Variants in RETREG3 observed in about 807,000 individuals in gnomAD.
The protein encoded by RETREG3 is reticulophagy regulator 3.
In RETREG3, 23 loss-of-function variants were observed where a neutral mutation model predicts 50.2. The observed-to-expected ratio is 0.46, with a 90% CI of 0.33 to 0.65. RETREG3 has a LOEUF of 0.65. Ranked by LOEUF, RETREG3 falls within the 30% of genes least tolerant of loss-of-function variation. The pLI is 0.02. For missense variants in RETREG3, 546 were observed against 598.0 expected (o/e 0.91, Z 0.91); for synonymous variants, 240 against 234.4 (o/e 1.02, Z -0.22).
At chr17:42,587,463 G>A (rs921851832) in intron 3 of RETREG3, among the ~76,000 whole-genome samples, 1 of 152,146 alleles carries the variant, frequency 6.6e-6, no homozygotes, top group Non-Finnish European at 1.5e-5. Flanking sequence ...TTTTCTGACC[G>A]GGAACTTTAA....
chr17:42,583,431 G>T, intron 7 of RETREG3, 67 bp downstream of exon 7: 1 of 1,486,842 alleles, frequency 6.7e-7, no homozygotes, highest in Non-Finnish European at 9.3e-7. Context: ...CTAAATGTGA[G>T]CTGTCGGATG....
At chr17:42,591,466 T>C (rs549290068) in intron 2 of RETREG3, among the ~76,000 whole-genome samples, 2 of 152,072 alleles carry the variant, frequency 1.3e-5, no homozygotes, top group South Asian at 2.1e-4. Flanking sequence ...TCAGCCTCCT[T>C]AGTGGCTGAG....
chr17:42,602,581 CA>C (rs751947374), intron 1 of RETREG3, among the ~76,000 whole-genome samples: 121 of 152,226 alleles, frequency 7.9e-4, no homozygotes, highest in South Asian at 2.3e-3. Flanking sequence ...AAAGGCTGTC[CA>C]ATTTATGTTC....
chr17:42,586,448 C>A, intron 4 of RETREG3: 1 of 414,114 alleles, frequency 2.4e-6, no homozygotes. Flanking sequence ...CAGAAACACA[C>A]ACAAAACCCA....
intron 2 of RETREG3, among the ~76,000 whole-genome samples, chr17:42,591,709 G>C (rs1371193155): frequency 1.3e-5 from 2 of 152,174 alleles, no homozygotes; most frequent in Admixed American, 6.5e-5. Context: ...AATGTAAAAG[G>C]AATTCCTGAG....
At position 42,609,122 on chromosome 17, in the gene RETREG3, C is replaced by A; in HGVS notation, c.203G>T (p.Ser68Ile). 6.2e-7 allele frequency: 1 copy of A among 1,608,812 alleles called. No homozygotes were observed. The highest frequency in any genetic ancestry group is 8.5e-7 in the Non-Finnish European group (1 of 1,179,894). ...GTTCAGCCCCAGGCACCACAGAGCG[C>A]TCCTAGCTGGCCGCTCCCACACCAG... ...AALVWERPARSALWCLGLNAA... is the reference protein window; with the variant it reads ...AALVWERPARIALWCLGLNAA... Residue 68 changes from serine (S) to isoleucine (I), a missense_variant, in exon 1 of 9, where the codon AGC becomes ATC. Transcript: ENST00000309428.
rs1182640434 is a variant in RETREG3 at position 42,579,766 on chromosome 17, A to T, written c.*2047T>A. On this transcript the variant is annotated 3_prime_UTR_variant, in exon 9 of 9. Coordinates refer to ENST00000309428, the MANE Select transcript of RETREG3 (RefSeq NM_178126.4). ...AGCTCTGAACTTGAGAGGTGTCAAA[A>T]GTCTGTTTGAGAAGCCTAAAGTGGG... 6.5e-6 allele frequency: 1 copy of T among 152,718 alleles called. No homozygotes were observed. The highest frequency in any genetic ancestry group is 1.9e-4 in the East Asian group (1 of 5,328). The allele number at this position is 152,718 out of a possible 1,614,324, so 9.5% of individuals were successfully genotyped here.
At chr17:42,589,915 T>C (rs533202627) in intron 2 of RETREG3, among the ~76,000 whole-genome samples, 50 of 152,306 alleles carry the variant, frequency 3.3e-4, no homozygotes, top group Non-Finnish European at 3.4e-4. Flanking sequence ...TAATCTTTAT[T>C]ATCGGCTGGG....
At chr17:42,590,021 C>T (rs998903543) in intron 2 of RETREG3, among the ~76,000 whole-genome samples, 4 of 150,742 alleles carry the variant, frequency 2.7e-5, no homozygotes, top group African/African-American at 4.9e-5. Flanking sequence ...GCCAACATGG[C>T]GAAACCCCAT....
intron 3 of RETREG3, 31 bp downstream of exon 3, chr17:42,587,803 A>C: frequency 6.2e-7 from 1 of 1,613,728 alleles, no homozygotes; most frequent in Non-Finnish European, 8.5e-7. Context: ...GAATCAGAGC[A>C]ACAAAAAGGG....
At position 42,609,178 on chromosome 17, in the gene RETREG3, G is replaced by T; in HGVS notation, c.147C>A (p.Tyr49Ter). 1 of 1,609,430 alleles carries T rather than the reference G, an allele frequency of 6.2e-7. No homozygotes were observed. The highest frequency in any genetic ancestry group is 8.5e-7 in the Non-Finnish European group (1 of 1,179,752). ...CCTGCACCCGACTCAGCAGAGGCTC[G>T]TAAGGCCCCAGCACCTCCACCAGGG... ...QRALVEVLGP[Y>*]EPLLSRVQAA... The change falls in exon 1 of 9, where the codon TAC becomes TAA. Residue 49 changes from tyrosine to a stop codon, truncating the protein, a stop_gained. Coordinates refer to ENST00000309428, the MANE Select transcript of RETREG3 (RefSeq NM_178126.4). LOFTEE classifies it high-confidence loss of function.
At chr17:42,587,005 C>T in intron 3 of RETREG3, 114 bp from the exon 4 acceptor site, 1 of 1,408,294 alleles carries the variant, frequency 7.1e-7, no homozygotes, top group Non-Finnish European at 9.6e-7. Flanking sequence ...GTGACTAGGC[C>T]CAGGTGCTTT....
At chr17:42,590,983 A>C (rs2093132038) in intron 2 of RETREG3, among the ~76,000 whole-genome samples, 1 of 152,170 alleles carries the variant, frequency 6.6e-6, no homozygotes, top group South Asian at 2.1e-4. Flanking sequence ...AAAGAAAAGA[A>C]AAGAAACCAA....
At chr17:42,594,830 GAC>G (rs1387412743) in intron 1 of RETREG3, among the ~76,000 whole-genome samples, 2 of 151,908 alleles carry the variant, frequency 1.3e-5, no homozygotes, top group Non-Finnish European at 2.9e-5. Context: ...CAGGCTGGGC[GAC>G]AGAGTGGAAC....
chr17:42,605,004 C>T (rs905706750), intron 1 of RETREG3, among the ~76,000 whole-genome samples: 3 of 151,700 alleles, frequency 2.0e-5, no homozygotes, highest in South Asian at 4.2e-4. Context: ...TATTATTATG[C>T]TAGAGACAAT....
chr17:42,608,670 C>T (rs928695933), intron 1 of RETREG3: 1 of 168,386 alleles, frequency 5.9e-6, no homozygotes, highest in African/African-American at 2.4e-5. Flanking sequence ...CTTTGCAAGA[C>T]TTCACGCCTC....
Position 42,581,940 on chromosome 17 carries a change from C to G in RETREG3, c.1274G>C (p.Arg425Thr), listed in dbSNP as rs1390181947. The change falls in exon 9 of 9, where the codon AGA becomes ACA. Residue 425 changes from arginine to threonine, a missense_variant. By Grantham distance (71) the Arg-to-Thr change is moderately conservative (BLOSUM62 -1). Transcript: ENST00000309428. The part of the protein sequence containing the change: ...QPGPSGAPAQ[R>T]ATRGFLRSPS... ...GGACCGGAGGAAGCCTCTCGTTGCTCTCTGGGCAGGTGCTCCAGAAGGGCC... is the reference window on the plus strand; with the variant it reads ...GGACCGGAGGAAGCCTCTCGTTGCTGTCTGGGCAGGTGCTCCAGAAGGGCC... The G allele has an allele frequency of 1.9e-6, 3 of 1,614,186 alleles. No homozygotes were observed. Among genetic ancestry groups the G allele is most frequent in the Admixed American group, 3.3e-5 (2 of 60,030 alleles).
At position 42,590,704 on chromosome 17, in the gene RETREG3, C is replaced by T. The variant is rs537878417; in HGVS notation, c.346+1352G>A. Among the ~76,000 whole-genome samples, 7 of 152,158 alleles carry T rather than the reference C, an allele frequency of 4.6e-5. No individual in the cohort carries two copies. The East Asian group carries it at 9.7e-4, about 21-fold the overall frequency. ...AGAATGCGCCAGGTGCGGTGCCTCACGCCTGTAATCCCAGCACTTTGGGAG... is the reference window on the plus strand; with the variant it reads ...AGAATGCGCCAGGTGCGGTGCCTCATGCCTGTAATCCCAGCACTTTGGGAG... On this transcript the variant is annotated intron_variant, in intron 2 of 8. Coordinates refer to ENST00000309428, the MANE Select transcript of RETREG3 (RefSeq NM_178126.4).
At chr17:42,595,092 A>G (rs1409071041) in intron 1 of RETREG3, among the ~76,000 whole-genome samples, 1 of 148,462 alleles carries the variant, frequency 6.7e-6, no homozygotes, top group Admixed American at 6.8e-5. Flanking sequence ...CAGCCTCCCG[A>G]GTAGCTGGGA....
Sources: allele counts gnomAD v4.1 joint callset (sites outside exome capture counted in the v4.1 genomes callset), GRCh38; gene constraint gnomAD v4.1.1; transcripts MANE v1.5; gene names NCBI Gene and HGNC (gene_info 2026-07-23, HGNC 2026-07-21).